Variants in ZPBP observed in about 807,000 individuals in gnomAD.
ZPBP encodes the protein zona pellucida binding protein, also known as zona pellucida-binding protein 1.
In ZPBP, 26 loss-of-function variants were observed where a neutral mutation model predicts 44.8. The observed-to-expected ratio is 0.58, with a 90% CI of 0.43 to 0.81. The LOEUF (loss-of-function observed/expected upper bound fraction) is 0.81. Among genes scored for constraint, ZPBP ranks in the 30% least tolerant of loss-of-function variants. The pLI is 0.00. For synonymous variants in ZPBP, 174 were observed against 153.2 expected (o/e 1.14, Z -1.00); for missense variants, 409 against 434.0 (o/e 0.94, Z 0.51).
chr7:50,024,616 CAT>C (rs1799242674), intron 5 of ZPBP, among the ~76,000 whole-genome samples: 1 of 151,504 alleles, frequency 6.6e-6, no homozygotes, highest in Non-Finnish European at 1.5e-5. Context: ...AGAAAAAAAA[CAT>C]TGAATACATA....
chr7:49,990,503 T>G (rs1280642746), intron 6 of ZPBP, among the ~76,000 whole-genome samples: 2 of 152,140 alleles, frequency 1.3e-5, no homozygotes, highest in Non-Finnish European at 2.9e-5. Context: ...TCTTTCTAGA[T>G]GAGTAGCCAT....
chr7:49,992,145 G>A (rs894994747), intron 6 of ZPBP, among the ~76,000 whole-genome samples: 7 of 152,194 alleles, frequency 4.6e-5, no homozygotes, highest in Non-Finnish European at 8.8e-5. Flanking sequence ...GAAAACTCCA[G>A]TATGACTTCT....
chr7:50,091,461 A>C (rs1278293102), intron 1 of ZPBP, among the ~76,000 whole-genome samples: 2 of 152,164 alleles, frequency 1.3e-5, no homozygotes, highest in East Asian at 3.8e-4. Flanking sequence ...CTGGATCCTC[A>C]TCTCTCACCT....
intron 6 of ZPBP, among the ~76,000 whole-genome samples, chr7:49,986,772 G>T (rs970801505): frequency 1.3e-5 from 2 of 152,082 alleles, no homozygotes; most frequent in Admixed American, 6.5e-5. Context: ...TATGAAAAAG[G>T]ATTTGTGAGG....
chr7:49,924,426 A>G (rs534266243), intron 1 of ZPBP, among the ~76,000 whole-genome samples: 5 of 152,334 alleles, frequency 3.3e-5, no homozygotes, highest in Non-Finnish European at 7.3e-5. Flanking sequence ...AAGTTTCATT[A>G]TAAAGCATTG....
chr7:50,031,827 A>G (rs1562858809), intron 4 of ZPBP, among the ~76,000 whole-genome samples: 1 of 151,292 alleles, frequency 6.6e-6, no homozygotes, highest in Non-Finnish European at 1.5e-5. Flanking sequence ...TGGAACTGAG[A>G]ACACACACAC....
chr7:49,852,828 C>T (rs1233580039), intron 2 of ZPBP, among the ~76,000 whole-genome samples: 1 of 152,170 alleles, frequency 6.6e-6, no homozygotes, highest in Non-Finnish European at 1.5e-5. Context: ...ACTTGGACTC[C>T]GTCTCCATCT....
chr7:49,912,620 C>G (rs1872137), intron 1 of ZPBP: 2 of 155,440 alleles, frequency 1.3e-5, no homozygotes, highest in African/African-American at 4.8e-5. Context: ...TTTCACAGGG[C>G]AGAGTCACGC....
At chr7:50,074,518 A>C (rs1026212897) in intron 3 of ZPBP, among the ~76,000 whole-genome samples, 4 of 151,982 alleles carry the variant, frequency 2.6e-5, no homozygotes, top group Non-Finnish European at 4.4e-5. Flanking sequence ...TACTGCCTAT[A>C]AGAAACACAC....
At chr7:49,943,745 G>A (rs1387242447) in intron 7 of ZPBP, 3 of 248,784 alleles carry the variant, frequency 1.2e-5, no homozygotes, top group Admixed American at 5.1e-5. Flanking sequence ...ACGGGAACGG[G>A]TACCCATTGG....
intron 3 of ZPBP, among the ~76,000 whole-genome samples, chr7:50,069,176 C>A (rs1253149640): frequency 6.6e-6 from 1 of 152,168 alleles, no homozygotes; most frequent in Admixed American, 6.5e-5. Flanking sequence ...AACTTAACTC[C>A]TTAGAGGCAG....
At chr7:49,852,335 G>A (rs1048999402) in intron 2 of ZPBP, among the ~76,000 whole-genome samples, 22 of 152,202 alleles carry the variant, frequency 1.4e-4, no homozygotes, top group African/African-American at 5.1e-4. Context: ...GACATTGCAG[G>A]CTCTGGTTCA....
chr7:50,033,678 G>GTTTATTTATTTATTTATTTA (rs56856262), intron 4 of ZPBP, among the ~76,000 whole-genome samples: 8 of 148,714 alleles, frequency 5.4e-5, no homozygotes, highest in South Asian at 2.2e-4. Flanking sequence ...TCTTTCTACA[G>GTTTATTTATTTATTTATTTA]TTTATTTATT....
downstream of ZPBP, among the ~76,000 whole-genome samples, chr7:49,845,526 G>T (rs1789919249): frequency 6.6e-6 from 1 of 152,218 alleles, no homozygotes. Context: ...ATATCTGAGA[G>T]AGAGAGGCAG....
At chr7:49,853,360 C>T (rs1790276476) in intron 2 of ZPBP, among the ~76,000 whole-genome samples, 1 of 152,238 alleles carries the variant, frequency 6.6e-6, no homozygotes, top group African/African-American at 2.4e-5. Flanking sequence ...GAAGTCATGC[C>T]TGAAGTCTGG....
At chr7:50,023,191 C>G (rs986720705) in intron 5 of ZPBP, among the ~76,000 whole-genome samples, 1 of 152,016 alleles carries the variant, frequency 6.6e-6, no homozygotes, top group South Asian at 2.1e-4. Context: ...TTCAAACCCC[C>G]TCTAGCCCTC....
intron 6 of ZPBP, among the ~76,000 whole-genome samples, chr7:49,985,456 C>A (rs555600698): frequency 1.3e-5 from 2 of 152,182 alleles, no homozygotes; most frequent in Non-Finnish European, 2.9e-5. Context: ...ATTTCAAAAT[C>A]TGAAAATATC....
chr7:49,853,624 C>T (rs993295206), intron 2 of ZPBP, among the ~76,000 whole-genome samples: 9 of 151,830 alleles, frequency 5.9e-5, no homozygotes, highest in Non-Finnish European at 8.8e-5. Flanking sequence ...ACATACTTTA[C>T]GTAACATAAA....
At chr7:50,009,709 G>A (rs6956138) in intron 6 of ZPBP, among the ~76,000 whole-genome samples, 76,586 of 151,826 alleles carry the variant, frequency 0.5, 20,079 homozygotes, top group East Asian at 0.67. Flanking sequence ...TACAGCTGAC[G>A]TAATTGTGAT....
Sources: allele counts gnomAD v4.1 joint callset (sites outside exome capture counted in the v4.1 genomes callset), GRCh38; gene constraint gnomAD v4.1.1; transcripts MANE v1.5; gene names NCBI Gene and HGNC (gene_info 2026-07-23, HGNC 2026-07-21).